The following CALB2 variants were observed in gnomAD, a reference collection of about 807,000 sequenced individuals.
The protein encoded by CALB2 is calretinin.
CALB2 carries 34 observed loss-of-function variants against 45.9 expected under a neutral mutation model. That is an observed-to-expected ratio of 0.74 (90% CI 0.56 to 0.99). The LOEUF (loss-of-function observed/expected upper bound fraction) is 0.99, where lower values mean the gene tolerates loss of function less well. Ranked by LOEUF, CALB2 falls within the 50% of genes least tolerant of loss-of-function variation. CALB2 has a pLI of 0.00. For missense variants in CALB2, 344 were observed against 339.3 expected, an observed-to-expected ratio of 1.01 and a Z score of -0.11; for synonymous variants, 142 against 129.6, an observed-to-expected ratio of 1.10 and a Z score of -0.65.
chr16:71,358,963 AT>A, intron 1 of CALB2, 77 bp downstream of exon 1: 1 of 1,285,040 alleles, frequency 7.8e-7, no homozygotes, highest in Non-Finnish European at 1.1e-6. Flanking sequence ...GCGGCGCTGA[AT>A]GCGGGCAGGT....
In CALB2 at chr16:71,380,287, CTTTTCTTTTTTTT is replaced by C. The variant is rs2042473640; in HGVS notation, c.343-2427_343-2415del. ...CTTTTCTTTCTTTCTTCTTTCCTTC[CTTTTCTTTTTTTT>C]TTTTTTTTTTTTTTTTTTTTTTTTT... is the stretch of plus-strand genomic sequence containing the variant. On this transcript the variant is annotated intron_variant, in intron 4 of 10. Coordinates refer to ENST00000302628, the MANE Select transcript of CALB2 (RefSeq NM_001740.5). Among the ~76,000 whole-genome samples the C allele has an allele frequency of 7.2e-4, 63 of 87,096 alleles. 2 individuals are homozygous for C. Among genetic ancestry groups the C allele is most frequent in the African/African-American group, 1.9e-3 (46 of 23,836 alleles). The allele number at this position is 87,096 out of a possible 152,430, so 57.1% of individuals were successfully genotyped here.
At chr16:71,389,288 T>C (rs1178456999) in intron 10 of CALB2, among the ~76,000 whole-genome samples, 1 of 151,956 alleles carries the variant, frequency 6.6e-6, no homozygotes, top group African/African-American at 2.4e-5. Flanking sequence ...TTTCCTGGCA[T>C]TCTCTTCATC....
At chr16:71,372,346 A>AT in intron 2 of CALB2, 117 bp downstream of exon 2, 1 of 660,178 alleles carries the variant, frequency 1.5e-6, no homozygotes, top group East Asian at 2.8e-5. Flanking sequence ...TTGACACAGC[A>AT]TTTTATTTGT....
chr16:71,380,135 AG>A (rs2042469368), intron 4 of CALB2, among the ~76,000 whole-genome samples: 1 of 151,984 alleles, frequency 6.6e-6, no homozygotes, highest in South Asian at 2.1e-4. Context: ...GTCTGGAAAC[AG>A]GGATGGTGGC....
At chr16:71,363,619 G>A (rs2042254431) in intron 1 of CALB2, among the ~76,000 whole-genome samples, 1 of 152,210 alleles carries the variant, frequency 6.6e-6, no homozygotes. Flanking sequence ...GGAATGGGGA[G>A]GAAATTTAGA....
At chr16:71,368,623 C>G (rs1174460161) in intron 1 of CALB2, among the ~76,000 whole-genome samples, 1 of 152,196 alleles carries the variant, frequency 6.6e-6, no homozygotes, top group African/African-American at 2.4e-5. Context: ...TGGTCCTGAG[C>G]AAGTTGCTTG....
chr16:71,380,837 C>T (rs1162908510), intron 4 of CALB2, among the ~76,000 whole-genome samples: 2 of 152,164 alleles, frequency 1.3e-5, no homozygotes, highest in Non-Finnish European at 2.9e-5. Context: ...CAGCACTCAG[C>T]ACAACAACTC....
chr16:71,374,879 G>A (rs2042393331), intron 3 of CALB2, 45 bp downstream of exon 3: 1 of 1,348,944 alleles, frequency 7.4e-7, no homozygotes, highest in East Asian at 2.3e-5. Context: ...GAGGGGCCCT[G>A]GGTCCCTGTG....
chr16:71,388,334 CAAAAA>C (rs71153632), intron 10 of CALB2, among the ~76,000 whole-genome samples: 2 of 103,428 alleles, frequency 1.9e-5, no homozygotes, highest in Non-Finnish European at 3.6e-5. Context: ...GACCTTATCT[CAAAAA>C]AAAAAAAAAA....
chr16:71,377,426 C>G (rs2144980012), intron 3 of CALB2, among the ~76,000 whole-genome samples: 1 of 152,292 alleles, frequency 6.6e-6, no homozygotes. Flanking sequence ...TTTAAAGCAG[C>G]ACCACTTTTT....
intron 1 of CALB2, among the ~76,000 whole-genome samples, chr16:71,365,279 A>G (rs538313033): frequency 8.2e-4 from 125 of 152,260 alleles, no homozygotes; most frequent in Non-Finnish European, 7.1e-4. Flanking sequence ...CAGCTCAAGG[A>G]GGAAGGTGCG....
chr16:71,367,907 C>G (rs1173002602), intron 1 of CALB2, among the ~76,000 whole-genome samples: 2 of 152,154 alleles, frequency 1.3e-5, no homozygotes, highest in African/African-American at 4.8e-5. Flanking sequence ...CTCCACAGGG[C>G]TGCCCTTCTA....
At chr16:71,370,974 C>T (rs1353960935) in intron 1 of CALB2, among the ~76,000 whole-genome samples, 3 of 152,218 alleles carry the variant, frequency 2.0e-5, no homozygotes, top group Non-Finnish European at 1.5e-5. Flanking sequence ...ACCTCGGGAC[C>T]TGGTTCTGAT....
chr16:71,378,989 A>G (rs1393632274), intron 4 of CALB2, among the ~76,000 whole-genome samples: 1 of 152,116 alleles, frequency 6.6e-6, no homozygotes, highest in African/African-American at 2.4e-5. Context: ...TAAAATTAGC[A>G]TTCCTGGCTG....
At position 71,389,987 on chromosome 16, in the gene CALB2, C is replaced by A. The variant is rs1453087721; in HGVS notation, c.*122C>A. 4.4e-6 allele frequency: 3 copies of A among 678,964 alleles called. No individual in the cohort carries two copies. Among genetic ancestry groups the A allele is most frequent in the East Asian group, 2.5e-5 (1 of 39,702 alleles). The allele number at this position is 678,964 out of a possible 1,614,324, so 42.1% of individuals were successfully genotyped here. On this transcript the variant is annotated 3_prime_UTR_variant, in exon 11 of 11. Coordinates refer to ENST00000302628, the MANE Select transcript of CALB2 (RefSeq NM_001740.5). ...CACCCCTACAGCCTGCACACACCTG[C>A]CTGCAGAGCAGGAAATGAGAGATAG...
chr16:71,382,016 AGAGGAGGAGGAGGAG>A lies in CALB2; in HGVS notation c.343-690_343-676del, dbSNP rs67417266. Among the ~76,000 whole-genome samples, 4 of 86,572 alleles carry A rather than the reference AGAGGAGGAGGAGGAG, an allele frequency of 4.6e-5. 1 individual carries two copies. Among genetic ancestry groups the A allele is most frequent in the African/African-American group, 1.9e-4 (4 of 20,960 alleles). The allele number at this position is 86,572 out of a possible 152,430, so 56.8% of individuals were successfully genotyped here. ...TGACAGAGTGAGACCCTGTCTCAAA[AGAGGAGGAGGAGGAG>A]GAGGAGGAGGAGTAGGAGGAGGAGG... On this transcript the variant is annotated intron_variant, in intron 4 of 10. Coordinates refer to ENST00000302628, the MANE Select transcript of CALB2 (RefSeq NM_001740.5).
At chr16:71,384,287 T>C (rs1032622174) in intron 7 of CALB2, 52 bp from the exon 8 acceptor site, 3 of 1,482,098 alleles carry the variant, frequency 2.0e-6, no homozygotes, top group East Asian at 2.3e-5. Context: ...CCTCTCCCGC[T>C]TGCCCTTGCC....
At chr16:71,380,266 TCTTTCTTTC>T (rs1320403671) in intron 4 of CALB2, among the ~76,000 whole-genome samples, 9 of 149,468 alleles carry the variant, frequency 6.0e-5, no homozygotes, top group Admixed American at 4.0e-4. Context: ...TTCTTTCTTT[TCTTTCTTTC>T]TTCTTTCCTT....
intron 2 of CALB2, among the ~76,000 whole-genome samples, chr16:71,374,355 C>A (rs2042386270): frequency 6.6e-6 from 1 of 152,184 alleles, no homozygotes; most frequent in African/African-American, 2.4e-5. Flanking sequence ...TTAGGGGGCA[C>A]TGGATTAAGT....
Sources: allele counts gnomAD v4.1 joint callset (sites outside exome capture counted in the v4.1 genomes callset), GRCh38; gene constraint gnomAD v4.1.1; transcripts MANE v1.5; gene names NCBI Gene and HGNC (gene_info 2026-07-23, HGNC 2026-07-21).